Variants in SAMD8 observed in about 807,000 individuals in gnomAD.
SAMD8 encodes sterile alpha motif domain containing 8.
Under a neutral mutation model 42.0 loss-of-function variants are expected in SAMD8, and 20 were observed. That is an observed-to-expected ratio of 0.48 (90% confidence interval 0.34 to 0.69). The LOEUF (loss-of-function observed/expected upper bound fraction) is 0.69. Among genes scored for constraint, SAMD8 ranks in the 30% least tolerant of loss-of-function variants. The probability of loss-of-function intolerance (pLI) is 0.01; values close to 1 mark genes in which losing one functional copy is unlikely to be tolerated. For synonymous variants in SAMD8, 162 were observed against 173.0 expected (o/e 0.94, Z 0.50); for missense variants, 328 against 511.6 (o/e 0.64, Z 3.46).
chr10:75,112,548 A>G (rs184269578), intron 1 of SAMD8, among the ~76,000 whole-genome samples: 18 of 152,268 alleles, frequency 1.2e-4, no homozygotes, highest in African/African-American at 4.3e-4. Flanking sequence ...GAAGTAGTGG[A>G]GAGGAAGTGA....
chr10:75,119,024 T>C (rs950083327), intron 1 of SAMD8, among the ~76,000 whole-genome samples: 1 of 152,246 alleles, frequency 6.6e-6, no homozygotes, highest in East Asian at 1.9e-4. Flanking sequence ...TTATTAACTC[T>C]AGCTTTATAT....
chr10:75,148,021 T>C (rs1277391897), intron 1 of SAMD8, among the ~76,000 whole-genome samples: 9 of 152,172 alleles, frequency 5.9e-5, no homozygotes, highest in African/African-American at 2.2e-4. Flanking sequence ...TACAGACTCC[T>C]TGTAAATGGA....
intron 1 of SAMD8, among the ~76,000 whole-genome samples, chr10:75,134,620 G>A (rs1849344275): frequency 6.7e-6 from 1 of 149,706 alleles, no homozygotes; most frequent in African/African-American, 2.5e-5. Context: ...GGGTGGCAGA[G>A]TGAGACTTTC....
At position 75,143,098 on chromosome 10, in the gene SAMD8, G is replaced by A. The variant is rs564323657; in HGVS notation, c.-15-7416G>A. ...CCGAGGCGGGTGGATCACAAGGTCAGGAGATCAAGACCAGCCTGGCCAACA... is the reference window on the plus strand; with the variant it reads ...CCGAGGCGGGTGGATCACAAGGTCAAGAGATCAAGACCAGCCTGGCCAACA... On this transcript the variant is annotated intron_variant, in intron 1 of 5. Coordinates refer to ENST00000542569, the MANE Select transcript of SAMD8 (RefSeq NM_001174156.2). Among the ~76,000 whole-genome samples, 117 of 152,180 alleles carry A rather than the reference G, an allele frequency of 7.7e-4. 1 individual carries two copies. The highest frequency in any genetic ancestry group is 1.5e-3 in the Non-Finnish European group (102 of 68,032).
chr10:75,151,651 AC>A (rs2134484932), intron 2 of SAMD8, among the ~76,000 whole-genome samples: 1 of 151,680 alleles, frequency 6.6e-6, no homozygotes, highest in African/African-American at 2.4e-5. Flanking sequence ...CATGGCCTGG[AC>A]TGCTTAATTT....
Position 75,113,297 on chromosome 10 carries a change from T to C in SAMD8, c.-16+1575T>C, listed in dbSNP as rs533084289. ...CATGAAGTCTTTGACTTTAGCCACA[T>C]GTCTCATATGTTTTACAACTTTTTA... On this transcript the variant is annotated intron_variant, in intron 1 of 5. Transcript: ENST00000542569. Among the ~76,000 whole-genome samples, 9 of 152,346 alleles carry C rather than the reference T, an allele frequency of 5.9e-5. No individual in the cohort carries two copies. In the South Asian group the frequency reaches 1.2e-3, roughly 21 times the overall value.
chr10:75,148,653 G>A (rs997255778), intron 1 of SAMD8, among the ~76,000 whole-genome samples: 18 of 152,054 alleles, frequency 1.2e-4, no homozygotes, highest in African/African-American at 3.9e-4. Flanking sequence ...GCGCCCGGCC[G>A]CAGTACCAGC....
At position 75,120,040 on chromosome 10, in the gene SAMD8, C is replaced by T. The variant is rs181746005; in HGVS notation, c.-16+8318C>T. On this transcript the variant is annotated intron_variant, in intron 1 of 5. Transcript: ENST00000542569. ...CCGAGATTGTACCACTGCACTCCAG[C>T]CTGGGCGACAGAGTGAGACACTGTC... 2.5e-3 allele frequency among the ~76,000 whole-genome samples: 384 copies of T among 152,262 alleles called. 1 individual carries two copies. Among genetic ancestry groups the T allele is most frequent in the African/African-American group, 8.8e-3 (364 of 41,568 alleles).
At chr10:75,104,797 C>T (rs555355183) in intron 1 of SAMD8, among the ~76,000 whole-genome samples, 2 of 152,224 alleles carry the variant, frequency 1.3e-5, no homozygotes, top group East Asian at 3.9e-4. Context: ...TGCTTATCCT[C>T]CAGCCAGCAC....
intron 1 of SAMD8, among the ~76,000 whole-genome samples, chr10:75,130,300 G>A (rs1025572085): frequency 6.6e-6 from 1 of 151,898 alleles, no homozygotes; most frequent in East Asian, 1.9e-4. Flanking sequence ...TCAGGAGTTC[G>A]AGACCAGCCT....
At chr10:75,144,247 G>C (rs768659837) in intron 1 of SAMD8, among the ~76,000 whole-genome samples, 30 of 152,126 alleles carry the variant, frequency 2.0e-4, no homozygotes, top group Admixed American at 5.9e-4. Context: ...GATTACAGGC[G>C]TGAGCCACTG....
intron 1 of SAMD8, among the ~76,000 whole-genome samples, chr10:75,139,225 T>A (rs1839962826): frequency 6.6e-6 from 1 of 152,092 alleles, no homozygotes; most frequent in Admixed American, 6.6e-5. Context: ...CACCTCGGCC[T>A]TCCAACGTAC....
At chr10:75,148,914 C>T (rs992067668) in intron 1 of SAMD8, among the ~76,000 whole-genome samples, 1 of 152,006 alleles carries the variant, frequency 6.6e-6, no homozygotes, top group African/African-American at 2.4e-5. Flanking sequence ...CACAATTATA[C>T]AGCTTGATGA....
intron 1 of SAMD8, among the ~76,000 whole-genome samples, chr10:75,115,511 G>A (rs1848856917): frequency 2.0e-5 from 3 of 152,320 alleles, no homozygotes; most frequent in Admixed American, 6.5e-5. Flanking sequence ...GACCTGTGAT[G>A]TGAATATTCC....
chr10:75,159,398 A>G (rs536673748), intron 2 of SAMD8, among the ~76,000 whole-genome samples: 1 of 152,026 alleles, frequency 6.6e-6, no homozygotes, highest in Non-Finnish European at 1.5e-5. Flanking sequence ...TTTCAAACCA[A>G]ATTTTGCCTA....
At chr10:75,169,978 AC>A (rs1172431446) in intron 4 of SAMD8, among the ~76,000 whole-genome samples, 2 of 151,914 alleles carry the variant, frequency 1.3e-5, no homozygotes, top group East Asian at 1.9e-4. Flanking sequence ...TCTAAACTTT[AC>A]TCTTTCTGAG....
At chr10:75,169,296 C>T (rs1214826630) in intron 4 of SAMD8, among the ~76,000 whole-genome samples, 1 of 150,134 alleles carries the variant, frequency 6.7e-6, no homozygotes, top group Non-Finnish European at 1.5e-5. Flanking sequence ...ACCAGCCTGG[C>T]CAAGATGGTT....
At chr10:75,123,717 G>A (rs1279861067) in intron 1 of SAMD8, among the ~76,000 whole-genome samples, 1 of 151,562 alleles carries the variant, frequency 6.6e-6, no homozygotes, top group African/African-American at 2.4e-5. Context: ...TTTTGAGGTG[G>A]AGTCTCACTG....
chr10:75,113,392 T>C (rs1376513400), intron 1 of SAMD8, among the ~76,000 whole-genome samples: 1 of 148,818 alleles, frequency 6.7e-6, no homozygotes, highest in Non-Finnish European at 1.5e-5. Context: ...TTTCCTTTCT[T>C]TTTTTTTTTT....
Sources: gnomAD v4.1 joint callset for allele counts (sites outside exome capture counted in the v4.1 genomes callset) on GRCh38, gnomAD v4.1.1 for gene constraint, MANE v1.5 for transcripts, NCBI Gene and HGNC (gene_info 2026-07-23, HGNC 2026-07-21) for gene names.